The following ITGA9 variants were observed in gnomAD, a reference collection of about 807,000 sequenced individuals.
ITGA9 encodes integrin subunit alpha 9.
ITGA9 carries 56 observed loss-of-function variants against 127.8 expected under a neutral mutation model. That is an observed-to-expected ratio of 0.44 (90% CI 0.35 to 0.55). The LOEUF (loss-of-function observed/expected upper bound fraction) is 0.55, where lower values mean the gene tolerates loss of function less well. Among genes scored for constraint, ITGA9 ranks in the 20% least tolerant of loss-of-function variants. The pLI is 0.00. For missense variants in ITGA9, 1,196 were observed against 1,347.1 expected (o/e 0.89, Z 1.76); for synonymous variants, 508 against 514.5 (o/e 0.99, Z 0.17).
intron 13 of ITGA9, among the ~76,000 whole-genome samples, chr3:37,527,956 T>C (rs1361767322): frequency 3.3e-5 from 5 of 151,988 alleles, no homozygotes; most frequent in African/African-American, 1.2e-4. Context: ...TGGCTAATTT[T>C]TTAATATTTT....
chr3:37,536,501 C>T lies in ITGA9; in HGVS notation c.1528+3033C>T, dbSNP rs116794692. Among the ~76,000 whole-genome samples, 402 of 152,352 alleles carry T rather than the reference C, an allele frequency of 2.6e-3. 3 individuals are homozygous for T. Among genetic ancestry groups the T allele is most frequent in the African/African-American group, 8.8e-3 (365 of 41,576 alleles). The stretch of plus-strand genomic sequence containing the variant: ...TGTCTTCAGCTACATGACCTGCTCT[C>T]TGAGGATGGTTTTGAGAGCCATAAG... On this transcript the variant is annotated intron_variant, in intron 14 of 27. Transcript: ENST00000264741.
At chr3:37,637,487 TC>T (rs1229844982) in intron 16 of ITGA9, among the ~76,000 whole-genome samples, 2 of 152,174 alleles carry the variant, frequency 1.3e-5, no homozygotes, top group African/African-American at 2.4e-5. Context: ...TGATTTTGTA[TC>T]CTGAGAGTTT....
chr3:37,530,976 C>G (rs1699145499), intron 13 of ITGA9, among the ~76,000 whole-genome samples: 2 of 151,988 alleles, frequency 1.3e-5, no homozygotes, highest in Non-Finnish European at 2.9e-5. Flanking sequence ...TGGTCTCGAT[C>G]TCCTGACCTT....
rs994039351 is a variant in ITGA9, at chr3:37,516,740, A to C, written c.1036-764A>C. Among the ~76,000 whole-genome samples, 5 of 152,198 alleles carry C rather than the reference A, an allele frequency of 3.3e-5. No homozygotes were observed. The South Asian group carries it at 6.2e-4, about 19-fold the overall frequency. ...TATAGTGGGCCCAGACTGCCTCTGC[A>C]CTGGGGAATGCATACATCTTCTCAT... is the stretch of plus-strand genomic sequence containing the variant. On this transcript the variant is annotated intron_variant, in intron 9 of 27. Coordinates refer to ENST00000264741, the MANE Select transcript of ITGA9 (RefSeq NM_002207.3).
chr3:37,656,434 A>G (rs1700478449), intron 17 of ITGA9, among the ~76,000 whole-genome samples: 1 of 151,882 alleles, frequency 6.6e-6, no homozygotes, highest in Admixed American at 6.6e-5. Flanking sequence ...ATTCCTAGGT[A>G]TTTTATTCTG....
At chr3:37,580,527 C>T (rs1403140802) in intron 15 of ITGA9, among the ~76,000 whole-genome samples, 1 of 152,196 alleles carries the variant, frequency 6.6e-6, no homozygotes, top group African/African-American at 2.4e-5. Flanking sequence ...TTGGCCCCAC[C>T]CTCTAGCATT....
At chr3:37,458,656 G>A (rs758556632) in intron 1 of ITGA9, among the ~76,000 whole-genome samples, 2 of 152,226 alleles carry the variant, frequency 1.3e-5, no homozygotes, top group Non-Finnish European at 2.9e-5. Flanking sequence ...CCTGCCACGC[G>A]TGAATCACTG....
rs1337267840 is a variant in ITGA9, at chr3:37,513,860, G to A, written c.995G>A (p.Arg332Lys). ...LVGAPMFSEIRDEGQVTVYIN... is the reference protein window; with the variant it reads ...LVGAPMFSEIKDEGQVTVYIN... ...GGGGCCCCCATGTTTTCTGAGATCA[G>A]GGATGAGGGACAGGTCACTGTCTAC... The change falls in exon 9 of 28, where the codon AGG (arginine) becomes AAG (lysine). Residue 332 changes from arginine to lysine, a missense_variant. Physicochemically the swap from Arg to Lys is conservative, Grantham distance 26. Coordinates refer to ENST00000264741, the MANE Select transcript of ITGA9 (RefSeq NM_002207.3). 3 of 1,613,756 alleles carry A rather than the reference G, an allele frequency of 1.9e-6. No individual in the cohort carries two copies. The highest frequency in any genetic ancestry group is 8.5e-7 in the Non-Finnish European group (1 of 1,180,024).
intron 3 of ITGA9, among the ~76,000 whole-genome samples, chr3:37,479,628 G>A (rs1334186374): frequency 4.6e-5 from 7 of 152,224 alleles, no homozygotes; most frequent in African/African-American, 1.2e-4. Context: ...TATTTCACAT[G>A]TCCTGGGACA....
Position 37,559,686 on chromosome 3 carries a change from A to G in ITGA9, c.1689+17101A>G, listed in dbSNP as rs78910861. Among the ~76,000 whole-genome samples, 754 of 152,352 alleles carry G rather than the reference A, an allele frequency of 4.9e-3. 7 individuals are homozygous for G. The highest frequency in any genetic ancestry group is 0.016 in the African/African-American group (657 of 41,568). On this transcript the variant is annotated intron_variant, in intron 15 of 27. Coordinates refer to ENST00000264741, the MANE Select transcript of ITGA9 (RefSeq NM_002207.3). ...TCAGAAAGAATGAGGGAATGACTCAAACAATTTCAGGAAATGGTTCAAGGC... is the reference window on the plus strand; with the variant it reads ...TCAGAAAGAATGAGGGAATGACTCAGACAATTTCAGGAAATGGTTCAAGGC...
intron 15 of ITGA9, among the ~76,000 whole-genome samples, chr3:37,588,530 C>G (rs975268597): frequency 6.6e-6 from 1 of 152,194 alleles, no homozygotes; most frequent in Non-Finnish European, 1.5e-5. Flanking sequence ...TGAAGGAGGA[C>G]TTAGGGCTGT....
chr3:37,637,380 A>G (rs1321982533), intron 16 of ITGA9, among the ~76,000 whole-genome samples: 1 of 152,012 alleles, frequency 6.6e-6, no homozygotes, highest in Non-Finnish European at 1.5e-5. Context: ...TAGGTATTTT[A>G]TTCTCTTTGA....
chr3:37,628,286 G>C (rs1405151870), intron 15 of ITGA9, among the ~76,000 whole-genome samples: 2 of 152,144 alleles, frequency 1.3e-5, no homozygotes, highest in Non-Finnish European at 2.9e-5. Flanking sequence ...CGAGCTCACT[G>C]TCTCAGAATG....
At chr3:37,575,659 C>T (rs1699647772) in intron 15 of ITGA9, among the ~76,000 whole-genome samples, 1 of 151,768 alleles carries the variant, frequency 6.6e-6, no homozygotes, top group Admixed American at 6.6e-5. Context: ...ACTGGGGAAT[C>T]AGTACTCAGT....
At chr3:37,723,850 T>C (rs866689011) in intron 18 of ITGA9, among the ~76,000 whole-genome samples, 1 of 152,198 alleles carries the variant, frequency 6.6e-6, no homozygotes, top group Non-Finnish European at 1.5e-5. Flanking sequence ...AAATGTAAAA[T>C]TCTTCCTTGA....
intron 1 of ITGA9, among the ~76,000 whole-genome samples, chr3:37,454,135 G>A (rs994743374): frequency 2.0e-5 from 3 of 152,210 alleles, no homozygotes; most frequent in East Asian, 1.9e-4. Flanking sequence ...GAGAAAGGGC[G>A]GGCAGCTGAG....
rs529885510 is a variant in ITGA9, at chr3:37,484,335, C to T, written c.544+2728C>T. On this transcript the variant is annotated intron_variant, in intron 4 of 27. Transcript: ENST00000264741. ...CTGAGTATTTTTCTAGAAGACTGGA[C>T]TGGACGGGTGGGGCTGGGAGGATGC... is the stretch of plus-strand genomic sequence containing the variant. Among the ~76,000 whole-genome samples the T allele has an allele frequency of 3.3e-5, 5 of 152,224 alleles. 1 individual carries two copies. The highest frequency in any genetic ancestry group is 1.2e-4 in the African/African-American group (5 of 41,548).
rs140144158 is a variant in ITGA9 at position 37,788,399 on chromosome 3, C to T, written c.2889+3321C>T. Among the ~76,000 whole-genome samples the T allele has an allele frequency of 1.0e-3, 157 of 152,204 alleles. 1 individual carries two copies. The highest frequency in any genetic ancestry group is 1.8e-3 in the Admixed American group (27 of 15,290). On this transcript the variant is annotated intron_variant, in intron 26 of 27. Transcript: ENST00000264741. Reference sequence around the variant, plus strand: ...CCTTAGGTCATATATTCTCACCGGGCGCTTGTTTCTCCACTGCAAAAAATA... The same window carrying T: ...CCTTAGGTCATATATTCTCACCGGGTGCTTGTTTCTCCACTGCAAAAAATA...
At chr3:37,709,355 A>T (rs1178073114) in intron 18 of ITGA9, among the ~76,000 whole-genome samples, 1 of 152,180 alleles carries the variant, frequency 6.6e-6, no homozygotes, top group South Asian at 2.1e-4. Flanking sequence ...TCAAGCATTC[A>T]TCCATCTGGG....
Sources: gnomAD v4.1 joint callset for allele counts (sites outside exome capture counted in the v4.1 genomes callset) on GRCh38, gnomAD v4.1.1 for gene constraint, MANE v1.5 for transcripts, NCBI Gene and HGNC (gene_info 2026-07-23, HGNC 2026-07-21) for gene names.